Variants in TCF4 observed in about 807,000 individuals in gnomAD.
TCF4 encodes transcription factor 4, also known as SL3-3 enhancer factor 2.
Under a neutral mutation model 82.1 loss-of-function variants are expected in TCF4, and 3 were observed. The ratio of observed to expected loss-of-function variants is 0.04; its 90% CI spans 0.02 to 0.09. The LOEUF (loss-of-function observed/expected upper bound fraction) is 0.09. TCF4 is among the 10% of genes least tolerant of loss of function. The pLI is 1.00. For synonymous variants in TCF4, 276 were observed against 309.6 expected (o/e 0.89, Z 1.14); for missense variants, 518 against 852.7 (o/e 0.61, Z 4.89).
intron 3 of TCF4, among the ~76,000 whole-genome samples, chr18:55,534,495 C>G (rs986084612): frequency 6.6e-6 from 1 of 152,204 alleles, no homozygotes; most frequent in Non-Finnish European, 1.5e-5. Context: ...GTTGCTCCCT[C>G]CCCTGTCTGC....
chr18:55,627,626 G>A (rs1448511220), intron 2 of TCF4, among the ~76,000 whole-genome samples: 6 of 152,246 alleles, frequency 3.9e-5, no homozygotes, highest in Admixed American at 2.0e-4. Flanking sequence ...TTTGCTGGGA[G>A]TGGTGGCAGG....
At chr18:55,333,614 T>C (rs2078026462) in intron 8 of TCF4, among the ~76,000 whole-genome samples, 1 of 152,196 alleles carries the variant, frequency 6.6e-6, no homozygotes, top group Non-Finnish European at 1.5e-5. Context: ...GTGGCTATGA[T>C]GCTTAACATG....
chr18:55,280,576 G>T (rs1229587272), intron 8 of TCF4, among the ~76,000 whole-genome samples: 1 of 151,826 alleles, frequency 6.6e-6, no homozygotes, highest in East Asian at 1.9e-4. Flanking sequence ...TGCTCTCAAA[G>T]TTCCTCTCTC....
intron 3 of TCF4, among the ~76,000 whole-genome samples, chr18:55,480,296 AG>A (rs2096396058): frequency 3.2e-5 from 2 of 63,354 alleles, no homozygotes; most frequent in African/African-American, 1.2e-4. Flanking sequence ...AAAAAAAAAA[AG>A]CGGGGGGGCG....
At position 55,489,179 on chromosome 18, in the gene TCF4, C is replaced by T. The variant is rs115512205; in HGVS notation, c.146-25042G>A. Among the ~76,000 whole-genome samples, 799 of 152,246 alleles carry T rather than the reference C, an allele frequency of 5.2e-3. 8 individuals carry two copies. The highest frequency in any genetic ancestry group is 0.018 in the African/African-American group (764 of 41,538). On this transcript the variant is annotated intron_variant, in intron 3 of 19. Coordinates refer to ENST00000354452, the MANE Select transcript of TCF4 (RefSeq NM_001083962.2). ...GGCATCAGTTAGAGCCACAGTTTTC[C>T]TAATTCCAACTGTCCCTCAGATCTG... is the stretch of plus-strand genomic sequence containing the variant.
chr18:55,597,354 C>T (rs1194021054), intron 2 of TCF4, among the ~76,000 whole-genome samples: 1 of 152,162 alleles, frequency 6.6e-6, no homozygotes, highest in Non-Finnish European at 1.5e-5. Context: ...TCTTCTCAAA[C>T]TGCATGATAT....
At chr18:55,525,297 A>AT (rs199841568) in intron 3 of TCF4, among the ~76,000 whole-genome samples, 227 of 151,122 alleles carry the variant, frequency 1.5e-3, no homozygotes, top group African/African-American at 5.3e-3. Context: ...CCTTTGATTG[A>AT]TTTTTTTTTC....
chr18:55,536,045 C>T (rs561176671), intron 3 of TCF4, among the ~76,000 whole-genome samples: 1 of 152,172 alleles, frequency 6.6e-6, no homozygotes, highest in Non-Finnish European at 1.5e-5. Context: ...TACTCTTCAG[C>T]GGACTAGCCT....
In TCF4 at chr18:55,227,991, G is replaced by C; in HGVS notation, c.*44C>G. ...TTAAGATAATACAGCTGTTAAGGAA[G>C]TGGTCTCTTGTTTTAATGAAGCAAT... On this transcript the variant is annotated 3_prime_UTR_variant, in exon 20 of 20. Coordinates refer to ENST00000354452, the MANE Select transcript of TCF4 (RefSeq NM_001083962.2). The C allele has an allele frequency of 1.9e-6, 1 of 522,708 alleles. No homozygotes were observed. The highest frequency in any genetic ancestry group is 3.2e-5 in the Admixed American group (1 of 31,380). The allele number at this position is 522,708 out of a possible 1,614,324, so 32.4% of individuals were successfully genotyped here. A position where few individuals can be genotyped will look rare whatever the true frequency, so the allele number is the denominator to read the frequency against.
intron 13 of TCF4, chr18:55,257,614 G>A: frequency 3.4e-6 from 2 of 587,082 alleles, no homozygotes; most frequent in East Asian, 2.9e-5. Flanking sequence ...CCCCAGGCTG[G>A]CTGTCTCCTA....
chr18:55,593,633 A>G (rs1395188599), intron 2 of TCF4, among the ~76,000 whole-genome samples: 4 of 152,292 alleles, frequency 2.6e-5, no homozygotes, highest in Middle Eastern at 3.4e-3. Context: ...ATGCCCTACC[A>G]TTCTCCTTCA....
In TCF4 at chr18:55,597,022, G is replaced by A. The variant is rs373177703; in HGVS notation, c.287-9886C>T. 1.4e-4 allele frequency among the ~76,000 whole-genome samples: 21 copies of A among 152,226 alleles called. No individual in the cohort carries two copies. In the East Asian group the frequency reaches 2.1e-3, roughly 15 times the overall value. Reference sequence around the variant, plus strand: ...GAGTGACTTCTCATGAGATCTGGCTGTTTAAACGTATGTAACCCTTCCCCT... The same window carrying A: ...GAGTGACTTCTCATGAGATCTGGCTATTTAAACGTATGTAACCCTTCCCCT... On this transcript the variant is annotated intron_variant, in intron 2 of 20. Coordinates refer to the TCF4 transcript ENST00000398339.
intron 3 of TCF4, among the ~76,000 whole-genome samples, chr18:55,516,712 C>CA (rs1206483838): frequency 6.6e-6 from 1 of 152,056 alleles, no homozygotes; most frequent in Non-Finnish European, 1.5e-5. Flanking sequence ...GTGTTCCTAA[C>CA]AGAAAGGATA....
chr18:55,292,269 A>G (rs979344871), intron 8 of TCF4, among the ~76,000 whole-genome samples: 2 of 152,206 alleles, frequency 1.3e-5, no homozygotes, highest in Admixed American at 1.3e-4. Flanking sequence ...TAAAAATTAT[A>G]GTAAGAATGA....
chr18:55,470,896 A>G (rs1185534174), intron 3 of TCF4, among the ~76,000 whole-genome samples: 1 of 152,184 alleles, frequency 6.6e-6, no homozygotes. Flanking sequence ...AATGAAGTCT[A>G]CACTGCCTCA....
At chr18:55,462,951 T>C (rs1438974052) in intron 4 of TCF4, among the ~76,000 whole-genome samples, 4 of 152,180 alleles carry the variant, frequency 2.6e-5, no homozygotes, top group African/African-American at 7.2e-5. Flanking sequence ...GGTGGAAATG[T>C]CTAGCTCTGA....
chr18:55,485,883 G>A (rs1333444734), intron 3 of TCF4, among the ~76,000 whole-genome samples: 1 of 152,190 alleles, frequency 6.6e-6, no homozygotes, highest in Non-Finnish European at 1.5e-5. Flanking sequence ...CTGTCTGGAT[G>A]TGTCACACAC....
At chr18:55,415,095 A>G (rs1481294270) in intron 5 of TCF4, among the ~76,000 whole-genome samples, 2 of 152,178 alleles carry the variant, frequency 1.3e-5, no homozygotes, top group African/African-American at 4.8e-5. Context: ...ACTTAGTCCA[A>G]CAAGAATACT....
intron 8 of TCF4, among the ~76,000 whole-genome samples, chr18:55,302,019 G>T (rs1385614511): frequency 3.3e-5 from 5 of 152,276 alleles, no homozygotes. Flanking sequence ...GGTTGTAACC[G>T]AATGATAAAT....
Sources: gnomAD v4.1 joint callset for allele counts (sites outside exome capture counted in the v4.1 genomes callset) on GRCh38, gnomAD v4.1.1 for gene constraint, MANE v1.5 for transcripts, NCBI Gene and HGNC (gene_info 2026-07-23, HGNC 2026-07-21) for gene names.